MCUB: variants seen among roughly 807,000 people sequenced by gnomAD.
The protein encoded by MCUB is calcium uniporter regulatory subunit MCUb, mitochondrial.
A neutral mutation model predicts 41.4 loss-of-function variants in MCUB; 46 were observed. That is an observed-to-expected ratio of 1.11 (90% CI 0.88 to 1.42). The LOEUF (loss-of-function observed/expected upper bound fraction) is 1.42, where lower values mean the gene tolerates loss of function less well. Among genes scored for constraint, MCUB ranks in the 40% most tolerant of loss-of-function variants. The pLI is 0.00. For synonymous variants in MCUB, 148 were observed against 148.2 expected (o/e 1.00, Z 0.01); for missense variants, 403 against 404.9 (o/e 1.00, Z 0.04).
chr4:109,638,491 A>G (rs1201262174), intron 1 of MCUB, among the ~76,000 whole-genome samples: 2 of 151,400 alleles, frequency 1.3e-5, no homozygotes, highest in Non-Finnish European at 2.9e-5. Flanking sequence ...TCATCAAGTC[A>G]TCTTTTTGCT....
intron 5 of MCUB, 55 bp from the exon 6 acceptor site, chr4:109,684,388 T>G (rs2084954813): frequency 1.6e-5 from 22 of 1,404,190 alleles, no homozygotes; most frequent in Non-Finnish European, 2.1e-5. Context: ...TTGCTTTTTG[T>G]CCCTTTAGTT....
intron 4 of MCUB, 135 bp downstream of exon 4, chr4:109,664,529 A>G (rs1729303280): frequency 1.8e-6 from 1 of 557,978 alleles, no homozygotes; most frequent in Non-Finnish European, 3.2e-6. Flanking sequence ...GGCTCAAACA[A>G]TCCTCCCACC....
chr4:109,639,123 C>G (rs1728662689), intron 1 of MCUB, among the ~76,000 whole-genome samples: 1 of 152,124 alleles, frequency 6.6e-6, no homozygotes, highest in Admixed American at 6.5e-5. Flanking sequence ...CTAGAAAGGT[C>G]TCAATGTACT....
rs1392359638 is a variant in MCUB at position 109,560,445 on chromosome 4, G to A, written c.99+9G>A. ...TGCCGCCTCCGCCCCAGGTAAGAGC[G>A]GGTGCCGGGCTGTGGGGGTTCGGGG... On this transcript the variant is annotated intron_variant, in intron 1 of 7. Coordinates refer to ENST00000394650, the MANE Select transcript of MCUB (RefSeq NM_017918.5). 2 of 1,251,746 alleles carry A rather than the reference G, an allele frequency of 1.6e-6. No individual in the cohort carries two copies. Among genetic ancestry groups the A allele is most frequent in the Non-Finnish European group, 2.0e-6 (2 of 988,262 alleles). The allele number at this position is 1,251,746 out of a possible 1,614,324, so 77.5% of individuals were successfully genotyped here.
At chr4:109,582,567 A>C (rs201711277) in intron 1 of MCUB, among the ~76,000 whole-genome samples, 29,719 of 151,186 alleles carry the variant, frequency 0.2, 4,144 homozygotes, top group African/African-American at 0.39. Context: ...TAACAAAAAA[A>C]AAAAAAAAAT....
intron 1 of MCUB, among the ~76,000 whole-genome samples, chr4:109,649,340 T>C (rs1240349909): frequency 6.6e-6 from 1 of 152,220 alleles, no homozygotes; most frequent in African/African-American, 2.4e-5. Flanking sequence ...TCTCTATTGG[T>C]TTGGAAGTAC....
Position 109,560,326 on chromosome 4 carries a change from TGGGGC to T in MCUB, c.-8_-4del. On this transcript the variant is annotated 5_prime_UTR_variant, in exon 1 of 8. Transcript: ENST00000394650. ...CTGACGCCTGCGGGAGCCGCGCGCCTGGGGCGGGAGGATGCTCCAGAGGGGCCTCT... is the reference window on the plus strand; with the variant it reads ...CTGACGCCTGCGGGAGCCGCGCGCCTGGGAGGATGCTCCAGAGGGGCCTCT... 1.6e-6 allele frequency: 2 copies of T among 1,237,110 alleles called. No individual in the cohort carries two copies. The highest frequency in any genetic ancestry group is 2.0e-6 in the Non-Finnish European group (2 of 985,316). The allele number at this position is 1,237,110 out of a possible 1,614,324, so 76.6% of individuals were successfully genotyped here. A position where few individuals can be genotyped will look rare whatever the true frequency, so the allele number is the denominator to read the frequency against.
intron 1 of MCUB, among the ~76,000 whole-genome samples, chr4:109,606,195 C>G (rs1224463175): frequency 6.6e-6 from 1 of 152,170 alleles, no homozygotes; most frequent in South Asian, 2.1e-4. Flanking sequence ...AGAATGGTCT[C>G]GATCTCCTGA....
chr4:109,667,009 T>TTG (rs1332378096), intron 4 of MCUB, among the ~76,000 whole-genome samples: 2 of 152,208 alleles, frequency 1.3e-5, no homozygotes, highest in African/African-American at 4.8e-5. Context: ...CTGAGGATTT[T>TTG]TGTGTCTATA....
At chr4:109,597,514 C>T (rs1727594202) in intron 1 of MCUB, among the ~76,000 whole-genome samples, 1 of 129,544 alleles carries the variant, frequency 7.7e-6, no homozygotes, top group Non-Finnish European at 1.6e-5. Flanking sequence ...GGGGGCTGAC[C>T]CCCCCACCTC....
At chr4:109,576,300 A>T (rs1367912398) in intron 1 of MCUB, among the ~76,000 whole-genome samples, 2 of 152,168 alleles carry the variant, frequency 1.3e-5, no homozygotes, top group Non-Finnish European at 2.9e-5. Flanking sequence ...TTCCATTCTT[A>T]CTTATGGTAA....
At chr4:109,639,721 G>A (rs753543142) in intron 1 of MCUB, among the ~76,000 whole-genome samples, 1 of 152,088 alleles carries the variant, frequency 6.6e-6, no homozygotes, top group Non-Finnish European at 1.5e-5. Context: ...AAACCATGCT[G>A]TAAACAGATA....
chr4:109,626,463 G>A (rs1728361302), intron 1 of MCUB, among the ~76,000 whole-genome samples: 1 of 151,882 alleles, frequency 6.6e-6, no homozygotes, highest in Admixed American at 6.6e-5. Context: ...TTATAATTCA[G>A]AATACACAGA....
chr4:109,599,222 T>C (rs1295570764), intron 1 of MCUB, among the ~76,000 whole-genome samples: 2 of 152,220 alleles, frequency 1.3e-5, no homozygotes, highest in Admixed American at 6.5e-5. Flanking sequence ...TGCTTAGGTT[T>C]GAATATCAAA....
At chr4:109,576,005 A>G (rs746102823) in intron 1 of MCUB, among the ~76,000 whole-genome samples, 1 of 152,198 alleles carries the variant, frequency 6.6e-6, no homozygotes, top group Non-Finnish European at 1.5e-5. Context: ...TAAGTCTAGG[A>G]TTCTCACCTC....
At chr4:109,560,994 G>A (rs75718778) in intron 1 of MCUB, 6 of 152,272 alleles carry the variant, frequency 3.9e-5, no homozygotes, top group African/African-American at 1.2e-4. Context: ...ACACCCGAGA[G>A]ACGGGTGAAT....
intron 4 of MCUB, among the ~76,000 whole-genome samples, chr4:109,677,437 G>A (rs567278495): frequency 6.6e-6 from 1 of 152,176 alleles, no homozygotes. Flanking sequence ...AATGTATTTT[G>A]TGTGGGAAAA....
At chr4:109,595,559 T>G (rs1272251926) in intron 1 of MCUB, among the ~76,000 whole-genome samples, 1 of 152,296 alleles carries the variant, frequency 6.6e-6, no homozygotes, top group African/African-American at 2.4e-5. Context: ...TTATTTAAAT[T>G]TAAATTAAAT....
chr4:109,685,252 A>C lies in MCUB; in HGVS notation c.818A>C (p.Asp273Ala), dbSNP rs568908444. 57 of 1,225,970 alleles carry C rather than the reference A, an allele frequency of 4.6e-5. No individual in the cohort carries two copies. In the South Asian group the frequency reaches 6.7e-4, roughly 14 times the overall value. 75.9% of individuals were successfully genotyped at this position (1,225,970 alleles called of 1,614,324 possible). A position where few individuals can be genotyped will look rare whatever the true frequency, so the allele number is the denominator to read the frequency against. The change falls in exon 7 of 8, where the codon GAT becomes GCT. Residue 273 changes from aspartate to alanine, a missense_variant and splice_region_variant. By Grantham distance (126) the Asp-to-Ala change is moderately radical. Coordinates refer to ENST00000394650, the MANE Select transcript of MCUB (RefSeq NM_017918.5). ...CTTCTCTCTCTCTTTTTTTTTAAGG[A>C]TTATACTTACTCAGCTGTTAAGAGT... ...FFAYFIVTRQDYTYSAVKSRQ... is the reference protein window; with the variant it reads ...FFAYFIVTRQAYTYSAVKSRQ...
Sources: gnomAD v4.1 joint callset for allele counts (sites outside exome capture counted in the v4.1 genomes callset) on GRCh38, gnomAD v4.1.1 for gene constraint, MANE v1.5 for transcripts, NCBI Gene and HGNC (gene_info 2026-07-23, HGNC 2026-07-21) for gene names.